Variants in OSBPL3 observed in about 807,000 individuals in gnomAD.
OSBPL3 encodes the protein oxysterol-binding protein-related protein 3.
OSBPL3 carries 65 observed loss-of-function variants against 120.1 expected under a neutral mutation model. That is an observed-to-expected ratio of 0.54 (90% CI 0.44 to 0.67). The LOEUF (loss-of-function observed/expected upper bound fraction) is 0.67, where lower values mean the gene tolerates loss of function less well. Among genes scored for constraint, OSBPL3 ranks in the 30% least tolerant of loss-of-function variants. The pLI is 0.00. For missense variants in OSBPL3, 1,004 were observed against 1,082.1 expected, an observed-to-expected ratio of 0.93 and a Z score of 1.01; for synonymous variants, 416 against 402.6, an observed-to-expected ratio of 1.03 and a Z score of -0.40.
At position 24,822,779 on chromosome 7, in the gene OSBPL3, C is replaced by T. The variant is rs992848933; in HGVS notation, c.1885-2541G>A. Among the ~76,000 whole-genome samples, 1 of 152,190 alleles carries T rather than the reference C, an allele frequency of 6.6e-6. No homozygotes were observed. The highest frequency in any genetic ancestry group is 2.4e-5 in the African/African-American group (1 of 41,520). On this transcript the variant is annotated intron_variant, in intron 16 of 22. Coordinates refer to ENST00000313367, the MANE Select transcript of OSBPL3 (RefSeq NM_015550.4). The surrounding 1 kb of genome is among the most constrained non-coding windows in gnomAD (Gnocchi z 5.8). The stretch of plus-strand genomic sequence containing the variant: ...ACATCCATATGAATTACAAGAGAAC[C>T]CCTACAGTATACACACATCTCATAA...
At chr7:24,841,244 T>A (rs1391155770) in intron 13 of OSBPL3, among the ~76,000 whole-genome samples, 1 of 152,100 alleles carries the variant, frequency 6.6e-6, no homozygotes, top group East Asian at 1.9e-4. Flanking sequence ...GGATAATTTT[T>A]ATGCATCAAT....
intron 1 of OSBPL3, among the ~76,000 whole-genome samples, chr7:24,958,337 T>G (rs1028287403): frequency 6.6e-6 from 1 of 152,178 alleles, no homozygotes; most frequent in African/African-American, 2.4e-5. Context: ...TGGCTTTTTT[T>G]GATTGATAGT....
rs928811240 is a variant in OSBPL3, at chr7:24,822,009, G to A, written c.1885-1771C>T. 5.3e-5 allele frequency among the ~76,000 whole-genome samples: 8 copies of A among 152,260 alleles called. No homozygotes were observed. Among genetic ancestry groups the A allele is most frequent in the African/African-American group, 1.9e-4 (8 of 41,554 alleles). ...CTGTCTCAGCCTCTCAAGTTGCTGG[G>A]ACTAAAGGTGTGTGCCACCACGCCC... On this transcript the variant is annotated intron_variant, in intron 16 of 22. Transcript: ENST00000313367. This position sits in a 1 kb window ranked among gnomAD's most constrained non-coding sequence, Gnocchi z 5.8.
rs532419813 is a variant in OSBPL3, at chr7:24,970,639, C to T, written c.-150+9247G>A. Among the ~76,000 whole-genome samples, 12 of 151,998 alleles carry T rather than the reference C, an allele frequency of 7.9e-5. No individual in the cohort carries two copies. In the East Asian group the frequency reaches 2.1e-3, roughly 27 times the overall value. Reference sequence around the variant, plus strand: ...AGGAGTGCTATAAACATATATATCCCGAACTGAAGTGAATATTCTTTGAGG... The same window carrying T: ...AGGAGTGCTATAAACATATATATCCTGAACTGAAGTGAATATTCTTTGAGG... On this transcript the variant is annotated intron_variant, in intron 1 of 22. Transcript: ENST00000313367.
chr7:24,955,830 A>G lies in OSBPL3; in HGVS notation c.-150+24056T>C, dbSNP rs1307330170. 6.6e-6 allele frequency among the ~76,000 whole-genome samples: 1 copy of G among 152,234 alleles called. No individual in the cohort carries two copies. Among genetic ancestry groups the G allele is most frequent in the Non-Finnish European group, 1.5e-5 (1 of 68,036 alleles). On this transcript the variant is annotated intron_variant, in intron 1 of 22. Coordinates refer to ENST00000313367, the MANE Select transcript of OSBPL3 (RefSeq NM_015550.4). This position sits in a 1 kb window ranked among gnomAD's most constrained non-coding sequence, Gnocchi z 4.3. Reference sequence around the variant, plus strand: ...ATTAGTAGGCATTCAATAAATATCTACAGAATGAATGTTTTTTAAAAACAT... The same window carrying G: ...ATTAGTAGGCATTCAATAAATATCTGCAGAATGAATGTTTTTTAAAAACAT...
Position 24,900,357 on chromosome 7 carries a change from G to A in OSBPL3, c.-149-7736C>T, listed in dbSNP as rs1806810471. Among the ~76,000 whole-genome samples the A allele has an allele frequency of 6.6e-6, 1 of 152,150 alleles. No homozygotes were observed. The highest frequency in any genetic ancestry group is 1.9e-4 in the East Asian group (1 of 5,198). ...TATTTAGAAGTTTGGTGATGTTTTT[G>A]TGACCAGAAATATGCCACAGGAAAC... On this transcript the variant is annotated intron_variant, in intron 1 of 22. Coordinates refer to ENST00000313367, the MANE Select transcript of OSBPL3 (RefSeq NM_015550.4). This position sits in a 1 kb window ranked among gnomAD's most constrained non-coding sequence, Gnocchi z 4.5.
Position 24,965,073 on chromosome 7 carries a change from G to A in OSBPL3, c.-150+14813C>T, listed in dbSNP as rs1348899728. Among the ~76,000 whole-genome samples, 1 of 152,224 alleles carries A rather than the reference G, an allele frequency of 6.6e-6. No homozygotes were observed. The highest frequency in any genetic ancestry group is 1.5e-5 in the Non-Finnish European group (1 of 68,042). On this transcript the variant is annotated intron_variant, in intron 1 of 22. Coordinates refer to ENST00000313367, the MANE Select transcript of OSBPL3 (RefSeq NM_015550.4). This position sits in a 1 kb window ranked among gnomAD's most constrained non-coding sequence, Gnocchi z 4.3. ...CATGAGTTCAGAAGTAGTTAGGGAA[G>A]TTATGGAAACCATTCATTCATTTAT...
At position 24,939,309 on chromosome 7, in the gene OSBPL3, C is replaced by A. The variant is rs2128479422; in HGVS notation, c.-150+40577G>T. Reference sequence around the variant, plus strand: ...TTCTCCTGTGCTTCTTTGTGGCTGACAAGAATTCCAATTTTGTTCAGCTAT... The same window carrying A: ...TTCTCCTGTGCTTCTTTGTGGCTGAAAAGAATTCCAATTTTGTTCAGCTAT... On this transcript the variant is annotated intron_variant, in intron 1 of 22. Transcript: ENST00000313367. This position sits in a 1 kb window ranked among gnomAD's most constrained non-coding sequence, Gnocchi z 4.2. Among the ~76,000 whole-genome samples, 1 of 152,290 alleles carries A rather than the reference C, an allele frequency of 6.6e-6. No homozygotes were observed. The highest frequency in any genetic ancestry group is 1.9e-4 in the East Asian group (1 of 5,180).
chr7:24,844,838 A>G (rs1401860848), intron 12 of OSBPL3, among the ~76,000 whole-genome samples: 5 of 152,196 alleles, frequency 3.3e-5, no homozygotes, highest in African/African-American at 1.2e-4. Flanking sequence ...ATATCTGTGT[A>G]CAAATTTTAT....
In OSBPL3 at chr7:24,804,403, T is replaced by A; in HGVS notation, c.2479A>T (p.Ile827Leu). 1 of 1,614,068 alleles carries A rather than the reference T, an allele frequency of 6.2e-7. No homozygotes were observed. Among genetic ancestry groups the A allele is most frequent in the South Asian group, 1.1e-5 (1 of 91,070 alleles). ...AGTTGTTCAATCCTCTGCTTTTGTA[T>A]TTCAGCTTCTTCTAAGTTCCCTTCC... ...LEEGNLEEAE[I>L]QKQRIEQLQR... is the part of the protein sequence containing the mutation. The change falls in exon 22 of 23, where the codon ATA (isoleucine) becomes TTA (leucine). Residue 827 changes from isoleucine (I) to leucine (L), a missense_variant. Around this residue, in one of 4 missense-constraint regions of OSBPL3, gnomAD observed 473 missense variants for 568.0 expected, o/e 0.83. Transcript: ENST00000313367. This position sits in a 1 kb window ranked among gnomAD's most constrained non-coding sequence, Gnocchi z 5.4.
chr7:24,909,480 A>C (rs1332657281), intron 1 of OSBPL3, among the ~76,000 whole-genome samples: 1 of 152,228 alleles, frequency 6.6e-6, no homozygotes, highest in East Asian at 1.9e-4. Context: ...TAGTGTCACC[A>C]TGCCAGCCAA....
chr7:24,889,793 G>C (rs531292645), intron 2 of OSBPL3, among the ~76,000 whole-genome samples: 3 of 152,312 alleles, frequency 2.0e-5, no homozygotes, highest in Admixed American at 2.0e-4. Flanking sequence ...AACTGTGGAG[G>C]GGGAAGCCCC....
chr7:24,885,700 C>T (rs981902185), intron 2 of OSBPL3, among the ~76,000 whole-genome samples: 1 of 152,242 alleles, frequency 6.6e-6, no homozygotes, highest in African/African-American at 2.4e-5. Context: ...ACCACTCATA[C>T]TCTTTCCAAT....
At position 24,896,817 on chromosome 7, in the gene OSBPL3, A is replaced by G. The variant is rs1806199172; in HGVS notation, c.-149-4196T>C. Among the ~76,000 whole-genome samples, 1 of 152,198 alleles carries G rather than the reference A, an allele frequency of 6.6e-6. No homozygotes were observed. The highest frequency in any genetic ancestry group is 2.1e-4 in the South Asian group (1 of 4,828). ...CCAGGTGGAGTGGCTCATGCCTATAATCCCAGCAATTTAGGAGGTGGACGC... is the reference window on the plus strand; with the variant it reads ...CCAGGTGGAGTGGCTCATGCCTATAGTCCCAGCAATTTAGGAGGTGGACGC... On this transcript the variant is annotated intron_variant, in intron 1 of 22. Coordinates refer to ENST00000313367, the MANE Select transcript of OSBPL3 (RefSeq NM_015550.4). The surrounding 1 kb of genome is among the most constrained non-coding windows in gnomAD (Gnocchi z 4.4).
In OSBPL3 at chr7:24,891,716, A is replaced by T. The variant is rs1211412934; in HGVS notation, c.96+661T>A. ...TTTATTAGAAAGGAAACCAAGAAAC[A>T]ATATATAATTACTCAACAGTTATTT... On this transcript the variant is annotated intron_variant, in intron 2 of 22. Transcript: ENST00000313367. This position sits in a 1 kb window ranked among gnomAD's most constrained non-coding sequence, Gnocchi z 4.1. 6.6e-6 allele frequency among the ~76,000 whole-genome samples: 1 copy of T among 152,232 alleles called. No individual in the cohort carries two copies. Among genetic ancestry groups the T allele is most frequent in the Non-Finnish European group, 1.5e-5 (1 of 68,040 alleles).
At chr7:24,842,462 A>T in intron 12 of OSBPL3, 49 bp from the exon 13 acceptor site, 1 of 1,386,730 alleles carries the variant, frequency 7.2e-7, no homozygotes, top group Non-Finnish European at 1.0e-6. Context: ...AACATTCTCA[A>T]GAGAAAGAAA....
chr7:24,853,621 G>A (rs1273600637), intron 10 of OSBPL3, among the ~76,000 whole-genome samples: 1 of 152,162 alleles, frequency 6.6e-6, no homozygotes, highest in Non-Finnish European at 1.5e-5. Flanking sequence ...TTGCTTCAAT[G>A]CTGTATTTCC....
intron 1 of OSBPL3, among the ~76,000 whole-genome samples, chr7:24,962,567 C>T (rs1285551920): frequency 1.3e-5 from 2 of 152,042 alleles, no homozygotes; most frequent in Admixed American, 6.6e-5. Context: ...ATTAGGCACA[C>T]GACCCAGGTG....
At chr7:24,868,012 T>C (rs1354783980) in intron 5 of OSBPL3, among the ~76,000 whole-genome samples, 1 of 152,114 alleles carries the variant, frequency 6.6e-6, no homozygotes, top group Non-Finnish European at 1.5e-5. Context: ...CTATATACCA[T>C]AGATATTTCT....
Sources: gnomAD v4.1 joint callset for allele counts (sites outside exome capture counted in the v4.1 genomes callset) on GRCh38, gnomAD v4.1.1 for gene constraint, gnomAD v4.1.1 regional missense constraint, Gnocchi (gnomAD v3.1) non-coding constraint, MANE v1.5 for transcripts, NCBI Gene and HGNC (gene_info 2026-07-23, HGNC 2026-07-21) for gene names.